PUM3: variants seen among roughly 807,000 people sequenced by gnomAD.
PUM3 encodes the protein pumilio RNA binding family member 3.
A neutral mutation model predicts 84.0 loss-of-function variants in PUM3; 91 were observed. That is an observed-to-expected ratio of 1.08 (90% CI 0.91 to 1.29). PUM3 has a LOEUF of 1.29. PUM3 is among the 50% of genes most tolerant of loss of function. The pLI is 0.00. For missense variants in PUM3, 1,067 were observed against 767.5 expected, an observed-to-expected ratio of 1.39 and a Z score of -4.61; for synonymous variants, 321 against 266.7, an observed-to-expected ratio of 1.20 and a Z score of -1.98.
At chr9:2,831,420 T>A in intron 5 of PUM3, 76 bp from the exon 6 acceptor site, 1 of 897,038 alleles carries the variant, frequency 1.1e-6, no homozygotes, top group Non-Finnish European at 1.8e-6. Context: ...TGACCTCTTC[T>A]GGAATTTCTT....
chr9:2,839,099 T>C (rs1816203813), intron 1 of PUM3, among the ~76,000 whole-genome samples: 1 of 152,164 alleles, frequency 6.6e-6, no homozygotes, highest in African/African-American at 2.4e-5. Flanking sequence ...AACTCCAAAA[T>C]AAGATGTTGA....
At chr9:2,807,600 CAAAA>C (rs71329449) in intron 17 of PUM3, among the ~76,000 whole-genome samples, 1 of 67,114 alleles carries the variant, frequency 1.5e-5, no homozygotes, top group Non-Finnish European at 2.5e-5. Flanking sequence ...GACTCCATCT[CAAAA>C]AAAAAAAAAA....
At chr9:2,814,940 G>A (rs964842233) in intron 13 of PUM3, among the ~76,000 whole-genome samples, 7 of 152,136 alleles carry the variant, frequency 4.6e-5, no homozygotes, top group African/African-American at 1.2e-4. Context: ...TCAATACACT[G>A]AGCTTTCTCC....
rs778861814 is a variant in PUM3, at chr9:2,838,521, GAAAACC to G, written c.-10-10_-10-5del. Reference sequence around the variant, plus strand: ...TTTAACTTCCATCGTAGCAACTCTGGAAAACCAAAACCAAAACCAAAAACAATCACT... The same window carrying G: ...TTTAACTTCCATCGTAGCAACTCTGGAAAACCAAAACCAAAAACAATCACT... On this transcript the variant is annotated splice_region_variant and splice_polypyrimidine_tract_variant and intron_variant, in intron 1 of 17. Coordinates refer to ENST00000397885, the MANE Select transcript of PUM3 (RefSeq NM_014878.5). 8 of 1,607,516 alleles carry G rather than the reference GAAAACC, an allele frequency of 5.0e-6. No homozygotes were observed. Among genetic ancestry groups the G allele is most frequent in the South Asian group, 2.2e-5 (2 of 90,924 alleles).
chr9:2,834,013 A>G lies in PUM3; in HGVS notation c.440+18T>C. 6.2e-7 allele frequency: 1 copy of G among 1,610,868 alleles called. No homozygotes were observed. Among genetic ancestry groups the G allele is most frequent in the Non-Finnish European group, 8.5e-7 (1 of 1,178,640 alleles). On this transcript the variant is annotated intron_variant, in intron 4 of 17. Transcript: ENST00000397885. ...CTGTTGCAAAGGGACTAACAAAGGC[A>G]TCTTTAGGTAGAATTACCTTCTTAA...
Position 2,811,381 on chromosome 9 carries a change from G to A in PUM3, c.1615C>T (p.Pro539Ser), listed in dbSNP as rs200292238. ...ATTACCTCTCCGTCCTTGCCACCAG[G>A]ATGCAGTCCTGTTGCTGCCAAGCTG... ...IASLAATGLH[P>S]GGKDGELHIA... Residue 539 changes from proline (P) to serine (S), a missense_variant, in exon 15 of 18, where the codon CCT (proline) becomes TCT (serine). Coordinates refer to ENST00000397885, the MANE Select transcript of PUM3 (RefSeq NM_014878.5). 3 of 1,614,024 alleles carry A rather than the reference G, an allele frequency of 1.9e-6. No homozygotes were observed. Among genetic ancestry groups the A allele is most frequent in the Non-Finnish European group, 2.5e-6 (3 of 1,180,004 alleles).
At chr9:2,827,951 C>T (rs1185811998) in intron 9 of PUM3, among the ~76,000 whole-genome samples, 4 of 152,188 alleles carry the variant, frequency 2.6e-5, no homozygotes. Flanking sequence ...GCAGTCGGGT[C>T]CCAAAAGCTA....
In PUM3 at chr9:2,804,362, A is replaced by T. The variant is rs760619245; in HGVS notation, c.1916T>A (p.Ile639Lys). The change falls in exon 18 of 18, where the codon ATA becomes AAA. Residue 639 changes from isoleucine (I) to lysine (K), a missense_variant. Coordinates refer to ENST00000397885, the MANE Select transcript of PUM3 (RefSeq NM_014878.5). ...LEKTKSTSKG[I>K]EILLEKLST ...GCTCAGTTTTTCAAGTAGAATTTCT[A>T]TTCCTTTGCTGGTGCTTTTGGTTTT... 2 of 1,613,828 alleles carry T rather than the reference A, an allele frequency of 1.2e-6. No homozygotes were observed. Among genetic ancestry groups the T allele is most frequent in the Non-Finnish European group, 1.7e-6 (2 of 1,179,932 alleles).
intron 17 of PUM3, 83 bp downstream of exon 17, chr9:2,807,731 T>C (rs1238724332): frequency 2.9e-5 from 25 of 867,554 alleles, no homozygotes; most frequent in Non-Finnish European, 4.0e-5. Flanking sequence ...AGAACAAATA[T>C]TAGAACTGAG....
At chr9:2,811,680 G>T in intron 14 of PUM3, 97 bp from the exon 15 acceptor site, 3 of 757,630 alleles carry the variant, frequency 4.0e-6, no homozygotes, top group Non-Finnish European at 6.6e-6. Context: ...ATCACAGACT[G>T]TATCGCACTC....
chr9:2,811,228 T>C (rs1286750481), intron 15 of PUM3, 133 bp downstream of exon 15: 1 of 690,028 alleles, frequency 1.4e-6, no homozygotes, highest in Non-Finnish European at 2.5e-6. Flanking sequence ...TAATTGCTGC[T>C]GTGAGAGGTT....
chr9:2,826,524 G>C (rs1016686258), intron 10 of PUM3, among the ~76,000 whole-genome samples: 2 of 152,144 alleles, frequency 1.3e-5, no homozygotes, highest in Admixed American at 1.3e-4. Context: ...AGGACAAATG[G>C]ACAATGAGCT....
chr9:2,804,464 C>T lies in PUM3; in HGVS notation c.1815-1G>A, dbSNP rs762088251. ...TTCCAGGTCACAACTCTGGAGGAGG[C>T]TGAAGAGAGGAAAAAAATTAAATTT... is the stretch of plus-strand genomic sequence containing the variant. On this transcript the variant is annotated splice_acceptor_variant, in intron 17 of 17. Transcript: ENST00000397885. LOFTEE classifies it high-confidence loss of function. 1 of 1,608,104 alleles carries T rather than the reference C, an allele frequency of 6.2e-7. No homozygotes were observed. Among genetic ancestry groups the T allele is most frequent in the South Asian group, 1.1e-5 (1 of 89,810 alleles).
At chr9:2,840,938 G>C (rs1235594280) in intron 1 of PUM3, among the ~76,000 whole-genome samples, 1 of 152,092 alleles carries the variant, frequency 6.6e-6, no homozygotes, top group Non-Finnish European at 1.5e-5. Flanking sequence ...ATGTCCTTTC[G>C]GCAGACAGAT....
chr9:2,832,373 A>C (rs996514087), intron 5 of PUM3, among the ~76,000 whole-genome samples: 1 of 152,214 alleles, frequency 6.6e-6, no homozygotes, highest in Non-Finnish European at 1.5e-5. Flanking sequence ...CCGAGGAAGA[A>C]TCTTACTTCC....
At position 2,829,867 on chromosome 9, in the gene PUM3, G is replaced by C; in HGVS notation, c.759C>G (p.Ala253=). Residue 253 remains alanine, a synonymous_variant, in exon 8 of 18, where the codon GCC becomes GCG. Transcript: ENST00000397885. ...RKMLRHAEAS[A]IVEYAYNDKA... ...TGTCATTGTATGCGTACTCCACGAT[G>C]GCTGATGCTTCCGCATGCCGCAGCA... 1 of 1,614,002 alleles carries C rather than the reference G, an allele frequency of 6.2e-7. No homozygotes were observed. The highest frequency in any genetic ancestry group is 8.5e-7 in the Non-Finnish European group (1 of 1,179,912).
chr9:2,825,320 C>T (rs371302575), intron 10 of PUM3, among the ~76,000 whole-genome samples: 1 of 152,102 alleles, frequency 6.6e-6, no homozygotes, highest in East Asian at 1.9e-4. Flanking sequence ...ACCATAAACA[C>T]GCTTACATAA....
At chr9:2,825,054 G>A (rs1815774413) in intron 10 of PUM3, among the ~76,000 whole-genome samples, 1 of 151,938 alleles carries the variant, frequency 6.6e-6, no homozygotes, top group South Asian at 2.1e-4. Flanking sequence ...AACAATACCT[G>A]ACTTTTACCA....
chr9:2,838,629 A>G, intron 1 of PUM3, 112 bp from the exon 2 acceptor site: 1 of 666,082 alleles, frequency 1.5e-6, no homozygotes, highest in Admixed American at 2.6e-5. Context: ...ATACAATACA[A>G]ATCAGCCAGA....
Sources: gnomAD v4.1 joint callset for allele counts (sites outside exome capture counted in the v4.1 genomes callset) on GRCh38, gnomAD v4.1.1 for gene constraint, MANE v1.5 for transcripts, NCBI Gene and HGNC (gene_info 2026-07-23, HGNC 2026-07-21) for gene names.